Variants in ZNF609 observed in about 807,000 individuals in gnomAD.
The protein encoded by ZNF609 is zinc finger protein 609.
ZNF609 carries 11 observed loss-of-function variants against 109.5 expected under a neutral mutation model. That is an observed-to-expected ratio of 0.10 (90% CI 0.06 to 0.17). The LOEUF (loss-of-function observed/expected upper bound fraction) is 0.17, where lower values mean the gene tolerates loss of function less well. Ranked by LOEUF, ZNF609 falls within the 10% of genes least tolerant of loss-of-function variation. ZNF609 has a pLI of 1.00. For synonymous variants in ZNF609, 646 were observed against 662.0 expected (o/e 0.98, Z 0.37); for missense variants, 1,559 against 1,772.4 (o/e 0.88, Z 2.16).
At chr15:64,584,987 A>AG (rs1176700727) in intron 2 of ZNF609, among the ~76,000 whole-genome samples, 10 of 151,718 alleles carry the variant, frequency 6.6e-5, no homozygotes, top group Non-Finnish European at 1.3e-4. Flanking sequence ...AAAAGAAAAA[A>AG]AAAAAGAGGG....
At position 64,598,740 on chromosome 15, in the gene ZNF609, GTGTA is replaced by G. The variant is rs1200417229; in HGVS notation, c.748-24085_748-24082del. Among the ~76,000 whole-genome samples, 530 of 84,586 alleles carry G rather than the reference GTGTA, an allele frequency of 6.3e-3. 1 individual carries two copies. Among genetic ancestry groups the G allele is most frequent in the African/African-American group, 0.023 (499 of 22,042 alleles). The allele number at this position is 84,586 out of a possible 152,430, so 55.5% of individuals were successfully genotyped here. A position where few individuals can be genotyped will look rare whatever the true frequency, so the allele number is the denominator to read the frequency against. ...AACTGTCCATCATACATCTTTGTGTGTGTATATATATATATATATATATATATAT... is the reference window on the plus strand; with the variant it reads ...AACTGTCCATCATACATCTTTGTGTGTATATATATATATATATATATATAT... On this transcript the variant is annotated intron_variant, in intron 2 of 9. Transcript: ENST00000326648.
Position 64,624,725 on chromosome 15 carries a change from G to A in ZNF609, c.973+1673G>A, listed in dbSNP as rs557009774. 2.0e-5 allele frequency among the ~76,000 whole-genome samples: 3 copies of A among 150,466 alleles called. No individual in the cohort carries two copies. In the South Asian group the frequency reaches 6.3e-4, roughly 32 times the overall value. Reference sequence around the variant, plus strand: ...AAGACTCTCTGTCAGGTTGTCACAGGCAGCCTATTATTACCAAGTTCCCCT... The same window carrying A: ...AAGACTCTCTGTCAGGTTGTCACAGACAGCCTATTATTACCAAGTTCCCCT... On this transcript the variant is annotated intron_variant, in intron 3 of 9. Coordinates refer to ENST00000326648, the MANE Select transcript of ZNF609 (RefSeq NM_015042.2).
At chr15:64,609,751 G>A (rs891230625) in intron 2 of ZNF609, among the ~76,000 whole-genome samples, 1 of 151,352 alleles carries the variant, frequency 6.6e-6, no homozygotes, top group African/African-American at 2.4e-5. Flanking sequence ...AATAAGGCCG[G>A]GTGTGGTGGC....
At position 64,607,816 on chromosome 15, in the gene ZNF609, CTTCTTTCTTTCTTTCTTTCTTTCT is replaced by C. The variant is rs71133456; in HGVS notation, c.748-14969_748-14946del. On this transcript the variant is annotated intron_variant, in intron 2 of 9. Transcript: ENST00000326648. ...TACTGCACCTGGCCTTAAATGTTTT[CTTCTTTCTTTCTTTCTTTCTTTCT>C]TTCTTTCTTTCTTTCTTTCTTTCTT... Among the ~76,000 whole-genome samples the C allele has an allele frequency of 2.2e-3, 220 of 98,948 alleles. 16 individuals are homozygous for C. The highest frequency in any genetic ancestry group is 9.2e-3 in the African/African-American group (200 of 21,682). The allele number at this position is 98,948 out of a possible 152,430, so 64.9% of individuals were successfully genotyped here.
chr15:64,647,003 T>C (rs1317993280), intron 3 of ZNF609, among the ~76,000 whole-genome samples: 1 of 150,318 alleles, frequency 6.7e-6, no homozygotes, highest in African/African-American at 2.4e-5. Context: ...AAACTCATTA[T>C]CACTGTATAG....
chr15:64,648,238 A>G (rs191719350), intron 3 of ZNF609, among the ~76,000 whole-genome samples: 11 of 152,282 alleles, frequency 7.2e-5, no homozygotes, highest in Non-Finnish European at 1.5e-4. Context: ...TGTAATCTCA[A>G]TACTTTGGGA....
intron 6 of ZNF609, among the ~76,000 whole-genome samples, chr15:64,679,292 G>A (rs1896847980): frequency 6.6e-6 from 1 of 152,158 alleles, no homozygotes; most frequent in South Asian, 2.1e-4. Context: ...GGCTGGTCTT[G>A]AACTCCCGAC....
intron 2 of ZNF609, among the ~76,000 whole-genome samples, chr15:64,520,273 T>A (rs1038969698): frequency 1.8e-4 from 27 of 152,188 alleles, no homozygotes; most frequent in Non-Finnish European, 1.5e-5. Context: ...TATTGTAGGA[T>A]GTTTCACAGC....
At chr15:64,637,715 A>C (rs78818377) in intron 3 of ZNF609, among the ~76,000 whole-genome samples, 7,004 of 151,792 alleles carry the variant, frequency 0.046, 532 homozygotes, top group African/African-American at 0.16. Context: ...TCTTTTGCCC[A>C]TTTTTGGATT....
intron 1 of ZNF609, among the ~76,000 whole-genome samples, chr15:64,477,466 T>A (rs78567989): frequency 6.6e-6 from 1 of 151,936 alleles, no homozygotes. Context: ...TTCTAACTCT[T>A]CTACTTCATT....
intron 3 of ZNF609, among the ~76,000 whole-genome samples, chr15:64,665,304 A>G (rs1896629892): frequency 6.6e-6 from 1 of 152,236 alleles, no homozygotes; most frequent in African/African-American, 2.4e-5. Context: ...TAGCTGTGTC[A>G]GGCCTTAGAG....
At chr15:64,510,244 G>T (rs941269915) in intron 2 of ZNF609, among the ~76,000 whole-genome samples, 10 of 137,574 alleles carry the variant, frequency 7.3e-5, no homozygotes, top group Non-Finnish European at 1.4e-4. Context: ...TCCCTCTGTT[G>T]CCTAGGCTGC....
chr15:64,548,062 T>C (rs1312534615), intron 2 of ZNF609, among the ~76,000 whole-genome samples: 4 of 152,214 alleles, frequency 2.6e-5, no homozygotes, highest in Non-Finnish European at 2.9e-5. Flanking sequence ...CCCCAGTGAT[T>C]CTTTTCTCCA....
intron 2 of ZNF609, among the ~76,000 whole-genome samples, chr15:64,576,973 T>TATATACATATATGTATATATACACATAC (rs1894972745): frequency 7.6e-6 from 1 of 132,212 alleles, no homozygotes; most frequent in African/African-American, 2.8e-5. Context: ...TACACATAAA[T>TATATACATATATGTATATATACACATAC]ATATATATGT....
chr15:64,511,304 A>G (rs1397955623), intron 2 of ZNF609, among the ~76,000 whole-genome samples: 1 of 151,660 alleles, frequency 6.6e-6, no homozygotes, highest in East Asian at 1.9e-4. Flanking sequence ...AAACTCTATC[A>G]CTACTAAAAA....
At position 64,674,894 on chromosome 15, in the gene ZNF609, C is replaced by A; in HGVS notation, c.2040C>A (p.Ser680Arg). 1.9e-6 allele frequency: 3 copies of A among 1,614,120 alleles called. No individual in the cohort carries two copies. The highest frequency in any genetic ancestry group is 2.5e-6 in the Non-Finnish European group (3 of 1,180,036). ...TFQTATFTAA[S>R]PGSSSGLTAT... ...AGACAGCCACCTTCACAGCAGCGAGCCCAGGCTCTTCCTCAGGCTTGACCG... is the reference window on the plus strand; with the variant it reads ...AGACAGCCACCTTCACAGCAGCGAGACCAGGCTCTTCCTCAGGCTTGACCG... Residue 680 changes from serine (S) to arginine (R), a missense_variant, in exon 5 of 10, where the codon AGC becomes AGA. Physicochemically the swap from Ser to Arg is moderately radical, Grantham distance 110. This residue lies in a region of ZNF609 where 1,204 missense variants were observed against 1,314.1 expected (regional missense o/e 0.92). Coordinates refer to ENST00000326648, the MANE Select transcript of ZNF609 (RefSeq NM_015042.2).
At chr15:64,581,310 T>C (rs773890360) in intron 2 of ZNF609, among the ~76,000 whole-genome samples, 1 of 152,136 alleles carries the variant, frequency 6.6e-6, no homozygotes, top group African/African-American at 2.4e-5. Flanking sequence ...TGTGCATACA[T>C]GTGGCTTGCT....
chr15:64,590,195 G>A (rs1265375818), intron 2 of ZNF609, among the ~76,000 whole-genome samples: 1 of 152,042 alleles, frequency 6.6e-6, no homozygotes, highest in Non-Finnish European at 1.5e-5. Context: ...GTTTAAGAAG[G>A]ATTTAAATTG....
chr15:64,587,074 A>T (rs1895210802), intron 2 of ZNF609, among the ~76,000 whole-genome samples: 2 of 152,218 alleles, frequency 1.3e-5, no homozygotes, highest in South Asian at 4.1e-4. Flanking sequence ...TTTAATCAAT[A>T]TTTTAGGAGA....
Sources: allele counts gnomAD v4.1 joint callset (sites outside exome capture counted in the v4.1 genomes callset), GRCh38; gene constraint gnomAD v4.1.1; regional missense constraint gnomAD v4.1.1; transcripts MANE v1.5; gene names NCBI Gene and HGNC (gene_info 2026-07-23, HGNC 2026-07-21).